The following CRIM1 variants were observed in gnomAD, a reference collection of about 807,000 sequenced individuals.
CRIM1 encodes cysteine-rich motor neuron 1 protein.
CRIM1 carries 32 observed loss-of-function variants against 116.4 expected under a neutral mutation model. The observed-to-expected ratio is 0.27, with a 90% CI of 0.21 to 0.37. CRIM1 has a LOEUF of 0.37. CRIM1 is among the 10% of genes least tolerant of loss of function. CRIM1 has a pLI of 1.00. For missense variants in CRIM1, 1,331 were observed against 1,354.8 expected, an observed-to-expected ratio of 0.98 and a Z score of 0.28; for synonymous variants, 590 against 509.2, an observed-to-expected ratio of 1.16 and a Z score of -2.13.
intron 1 of CRIM1, among the ~76,000 whole-genome samples, chr2:36,384,457 G>A (rs767046877): frequency 3.9e-5 from 6 of 152,220 alleles, no homozygotes; most frequent in Admixed American, 6.5e-5. Context: ...TTGGAGCTGA[G>A]TGTCTGTTAG....
chr2:36,449,726 G>A (rs923080694), intron 4 of CRIM1, among the ~76,000 whole-genome samples: 1 of 152,106 alleles, frequency 6.6e-6, no homozygotes, highest in East Asian at 1.9e-4. Flanking sequence ...GGAGACTCCT[G>A]GGAAACAAAG....
rs780493311 is a variant in CRIM1, at chr2:36,522,326, A to G, written c.2428+13A>G. On this transcript the variant is annotated intron_variant, in intron 13 of 16. Transcript: ENST00000280527. ...CCCTACTGCATAGGTAAGACCAAGG[A>G]AAAAAAAATCCCTCATCTCTACCAG... The G allele has an allele frequency of 1.2e-5, 19 of 1,563,252 alleles. No individual in the cohort carries two copies. The African/African-American group carries it at 1.8e-4, about 15-fold the overall frequency.
chr2:36,397,341 T>A (rs914629236), intron 2 of CRIM1, among the ~76,000 whole-genome samples: 9 of 152,164 alleles, frequency 5.9e-5, no homozygotes, highest in Non-Finnish European at 1.3e-4. Flanking sequence ...TATACTGATA[T>A]GGCTCATAAC....
chr2:36,541,243 A>G (rs368048477), intron 14 of CRIM1, among the ~76,000 whole-genome samples: 55 of 152,288 alleles, frequency 3.6e-4, no homozygotes, highest in South Asian at 2.1e-3. Context: ...GGATTATACC[A>G]TCTCAGAAAT....
chr2:36,385,696 C>T (rs1202746508), intron 1 of CRIM1, among the ~76,000 whole-genome samples: 1 of 152,088 alleles, frequency 6.6e-6, no homozygotes, highest in Non-Finnish European at 1.5e-5. Context: ...TCAGGTCTTC[C>T]GGATTGACAT....
rs1285412580 is a variant in CRIM1 at position 36,479,621 on chromosome 2, C to T, written c.1299C>T (p.Cys433=). ...AGTGCGTCAACGGTGAACGCCACTG[C>T]GTTGCGACCGTCTGCGGACAGACCT... The part of the protein sequence containing the change: ...FCQCVNGERH[C]VATVCGQTCT... Residue 433 remains cysteine (C), a synonymous_variant, in exon 7 of 17, where the codon TGC becomes TGT. Coordinates refer to ENST00000280527, the MANE Select transcript of CRIM1 (RefSeq NM_016441.3). 4.3e-6 allele frequency: 7 copies of T among 1,614,102 alleles called. No individual in the cohort carries two copies. The highest frequency in any genetic ancestry group is 1.6e-4 in the Middle Eastern group (1 of 6,084).
intron 1 of CRIM1, among the ~76,000 whole-genome samples, chr2:36,377,254 C>G (rs1051937104): frequency 6.6e-6 from 1 of 152,212 alleles, no homozygotes; most frequent in Non-Finnish European, 1.5e-5. Context: ...ATTAGTCACC[C>G]CAGTCTTGGG....
chr2:36,515,723 A>G (rs1025263510), intron 11 of CRIM1, among the ~76,000 whole-genome samples: 4 of 152,226 alleles, frequency 2.6e-5, no homozygotes. Context: ...CTTGAGGCAT[A>G]TCGTACGGCA....
At position 36,522,663 on chromosome 2, in the gene CRIM1, G is replaced by T. The variant is rs1218970455; in HGVS notation, c.2428+350G>T. Reference sequence around the variant, plus strand: ...CCAAAAATACAGAAATTAGCTGTGTGTGGTGGCACACACCTGTAATCCCAG... The same window carrying T: ...CCAAAAATACAGAAATTAGCTGTGTTTGGTGGCACACACCTGTAATCCCAG... On this transcript the variant is annotated intron_variant, in intron 13 of 16. Transcript: ENST00000280527. Among the ~76,000 whole-genome samples, 7 of 152,012 alleles carry T rather than the reference G, an allele frequency of 4.6e-5. No homozygotes were observed. In the East Asian group the frequency reaches 1.4e-3, roughly 30 times the overall value.
intron 2 of CRIM1, among the ~76,000 whole-genome samples, chr2:36,434,077 T>C (rs1422435340): frequency 1.3e-5 from 2 of 152,210 alleles, no homozygotes; most frequent in Admixed American, 1.3e-4. Context: ...AAGGTTATGA[T>C]AAAATCATGG....
At chr2:36,477,457 G>A (rs1035790071) in intron 6 of CRIM1, among the ~76,000 whole-genome samples, 1 of 152,160 alleles carries the variant, frequency 6.6e-6, no homozygotes, top group African/African-American at 2.4e-5. Context: ...GGATAATGTG[G>A]GCCTCACCCT....
In CRIM1 at chr2:36,409,710, T is replaced by C. The variant is rs1175881109; in HGVS notation, c.505+12923T>C. Among the ~76,000 whole-genome samples, 4 of 152,364 alleles carry C rather than the reference T, an allele frequency of 2.6e-5. No individual in the cohort carries two copies. The Middle Eastern group carries it at 0.01, about 389-fold the overall frequency. ...ACTTTAATCAGTTTAAAAGCTACTT[T>C]GTGATTTATAGACACATATGTTTAC... On this transcript the variant is annotated intron_variant, in intron 2 of 16. Coordinates refer to ENST00000280527, the MANE Select transcript of CRIM1 (RefSeq NM_016441.3).
chr2:36,512,418 C>T, intron 10 of CRIM1, 24 bp downstream of exon 10: 4 of 1,580,898 alleles, frequency 2.5e-6, no homozygotes, highest in Non-Finnish European at 3.5e-6. Context: ...CATGGCCCTT[C>T]CCCCTCAAAG....
At chr2:36,393,397 TAC>T (rs763499706) in intron 1 of CRIM1, among the ~76,000 whole-genome samples, 12 of 152,240 alleles carry the variant, frequency 7.9e-5, no homozygotes, top group South Asian at 4.1e-4. Context: ...TATATATGTA[TAC>T]ACACACACAT....
At chr2:36,367,942 A>G (rs902674268) in intron 1 of CRIM1, among the ~76,000 whole-genome samples, 6 of 152,166 alleles carry the variant, frequency 3.9e-5, no homozygotes, top group African/African-American at 1.4e-4. Context: ...TGAGGTAGGT[A>G]GGTGACAGAG....
At chr2:36,466,050 T>TACA (rs759754162) in intron 5 of CRIM1, among the ~76,000 whole-genome samples, 2 of 151,570 alleles carry the variant, frequency 1.3e-5, no homozygotes, top group Non-Finnish European at 1.5e-5. Context: ...CACACGCGGC[T>TACA]AATTTTTTTG....
intron 4 of CRIM1, among the ~76,000 whole-genome samples, chr2:36,459,416 G>A (rs1393458154): frequency 6.6e-6 from 1 of 152,054 alleles, no homozygotes; most frequent in Non-Finnish European, 1.5e-5. Flanking sequence ...CCCTGACTTA[G>A]TATCCATGAA....
chr2:36,533,996 A>G (rs1666302709), intron 13 of CRIM1, among the ~76,000 whole-genome samples: 1 of 138,878 alleles, frequency 7.2e-6, no homozygotes, highest in African/African-American at 2.7e-5. Flanking sequence ...GGGGGAAGGA[A>G]GGAAGGAAGG....
At chr2:36,527,331 G>A (rs72866896) in intron 13 of CRIM1, among the ~76,000 whole-genome samples, 204 of 152,148 alleles carry the variant, frequency 1.3e-3, no homozygotes, top group African/African-American at 4.6e-3. Flanking sequence ...TCTATTATAG[G>A]TAGATGGTAC....
Sources: gnomAD v4.1 joint callset for allele counts (sites outside exome capture counted in the v4.1 genomes callset) on GRCh38, gnomAD v4.1.1 for gene constraint, MANE v1.5 for transcripts, NCBI Gene and HGNC (gene_info 2026-07-23, HGNC 2026-07-21) for gene names.